Variants in COL5A1 observed in about 807,000 individuals in gnomAD.
COL5A1 encodes collagen type V alpha 1 chain, also known as collagen alpha-1(V) chain.
Under a neutral mutation model 263.7 loss-of-function variants are expected in COL5A1, and 16 were observed. The observed-to-expected ratio is 0.06, with a 90% confidence interval of 0.04 to 0.09. COL5A1 has a LOEUF of 0.09. Ranked by LOEUF, COL5A1 falls within the 10% of genes least tolerant of loss-of-function variation. The pLI is 1.00. For missense variants in COL5A1, 2,036 were observed against 2,540.5 expected, an observed-to-expected ratio of 0.80 and a Z score of 4.27; for synonymous variants, 1,012 against 1,004.5, an observed-to-expected ratio of 1.01 and a Z score of -0.14.
In COL5A1 at chr9:134,803,800, G is replaced by A. The variant is rs573246237; in HGVS notation, c.3114+805G>A. On this transcript the variant is annotated intron_variant, in intron 39 of 65. Coordinates refer to ENST00000371817, the MANE Select transcript of COL5A1 (RefSeq NM_000093.5). ...GGAGCTTGCAGTGAGCCGAGATCGC[G>A]CCACTGCACTCCAGCCTGGGCGACA... 2.2e-4 allele frequency among the ~76,000 whole-genome samples: 33 copies of A among 151,876 alleles called. 1 individual carries two copies. In the South Asian group the frequency reaches 5.6e-3, roughly 26 times the overall value.
At chr9:134,674,338 G>A (rs983157233) in intron 1 of COL5A1, among the ~76,000 whole-genome samples, 2 of 152,280 alleles carry the variant, frequency 1.3e-5, no homozygotes, top group South Asian at 2.1e-4. Context: ...GCCCGAACAG[G>A]GTGGCACGAA....
In COL5A1 at chr9:134,755,514, G is replaced by T. The variant is rs1207591311; in HGVS notation, c.1827+1188G>T. On this transcript the variant is annotated intron_variant, in intron 16 of 65. Coordinates refer to ENST00000371817, the MANE Select transcript of COL5A1 (RefSeq NM_000093.5). The surrounding 1 kb of genome is among the most constrained non-coding windows in gnomAD (Gnocchi z 4.1). ...GGTGAGAGAGGGGCTTGGAGCTGAG[G>T]GGTCGATTCCAAAGTGGTCTGAGCA... Among the ~76,000 whole-genome samples, 4 of 152,198 alleles carry T rather than the reference G, an allele frequency of 2.6e-5. No homozygotes were observed. Among genetic ancestry groups the T allele is most frequent in the Non-Finnish European group, 5.9e-5 (4 of 68,032 alleles).
chr9:134,777,363 A>G (rs1360376746), intron 27 of COL5A1, among the ~76,000 whole-genome samples: 3 of 152,292 alleles, frequency 2.0e-5, no homozygotes, highest in East Asian at 1.9e-4. Context: ...GGATGCCCCA[A>G]TCCAGCCCTT....
intron 63 of COL5A1, 47 bp from the exon 64 acceptor site, chr9:134,829,929 C>G (rs1192993438): frequency 8.2e-6 from 13 of 1,586,700 alleles, no homozygotes; most frequent in Non-Finnish European, 1.1e-5. Flanking sequence ...AGAAGTAACC[C>G]TTTTGTTCTG....
intron 1 of COL5A1, among the ~76,000 whole-genome samples, chr9:134,654,101 TG>T: frequency 1.0e-5 from 1 of 97,942 alleles, no homozygotes; most frequent in Non-Finnish European, 2.0e-5. Context: ...TGTGTAGGAC[TG>T]GGAGTGTGTA....
intron 28 of COL5A1, among the ~76,000 whole-genome samples, chr9:134,781,872 C>CA (rs1218698596): frequency 6.6e-6 from 1 of 152,216 alleles, no homozygotes; most frequent in African/African-American, 2.4e-5. Flanking sequence ...CGTGTGCCCC[C>CA]AGCCGGGCCT....
chr9:134,758,146 G>T lies in COL5A1; in HGVS notation c.1882-97G>T. On this transcript the variant is annotated intron_variant, in intron 17 of 65. Coordinates refer to ENST00000371817, the MANE Select transcript of COL5A1 (RefSeq NM_000093.5). This position sits in a 1 kb window ranked among gnomAD's most constrained non-coding sequence, Gnocchi z 4.1. ...GGTGCATAGATGCTGTGTGAAACGT[G>T]GTCCAAGGCGGGGCGGCCATCACTT... 2 of 1,239,452 alleles carry T rather than the reference G, an allele frequency of 1.6e-6. No homozygotes were observed. The highest frequency in any genetic ancestry group is 2.4e-6 in the Non-Finnish European group (2 of 841,910). 76.8% of individuals were successfully genotyped at this position (1,239,452 alleles called of 1,614,324 possible).
At chr9:134,840,125 C>G (rs763011384) in intron 65 of COL5A1, among the ~76,000 whole-genome samples, 1 of 152,230 alleles carries the variant, frequency 6.6e-6, no homozygotes. Context: ...ATGCAGATTC[C>G]GAGTCCCACC....
rs779658584 is a variant in COL5A1, at chr9:134,753,885, G to A, written c.1755G>A (p.Pro585=). The change falls in exon 15 of 66, where the codon CCG becomes CCA. Residue 585 remains proline, a synonymous_variant. Coordinates refer to ENST00000371817, the MANE Select transcript of COL5A1 (RefSeq NM_000093.5). ...GGAGCGGAGGTTTGAAGGGCGAGCC[G>A]GGAGACGTGGGGCCTCAGGTATGTG... ...PPGSGGLKGE[P]GDVGPQGPRG... 21 of 1,613,314 alleles carry A rather than the reference G, an allele frequency of 1.3e-5. No individual in the cohort carries two copies. Among genetic ancestry groups the A allele is most frequent in the East Asian group, 8.9e-5 (4 of 44,834 alleles).
rs774540394 is a variant in COL5A1, at chr9:134,817,794, C to CAGGCCCCGA, written c.4198_4206dup (p.Pro1400_Gly1402dup). The CAGGCCCCGA allele has an allele frequency of 6.2e-7, 1 of 1,612,286 alleles. No homozygotes were observed. On this transcript the variant is annotated inframe_insertion, in exon 54 of 66. Transcript: ENST00000371817. The stretch of plus-strand genomic sequence containing the variant: ...TTCTTTCAGGGTCCCCCAGGCCCCG[C>CAGGCCCCGA]AGGCCCCGAAGGCAGACAGGGAGAG...
At position 134,754,580 on chromosome 9, in the gene COL5A1, C is replaced by G. The variant is rs1327915073; in HGVS notation, c.1827+254C>G. 6.6e-6 allele frequency among the ~76,000 whole-genome samples: 1 copy of G among 152,226 alleles called. No homozygotes were observed. The highest frequency in any genetic ancestry group is 1.9e-4 in the East Asian group (1 of 5,188). ...CATTCATTTAGTTTAATAAACCTTT[C>G]TAATTCAAGAAACTTCCCAGGCCCT... On this transcript the variant is annotated intron_variant, in intron 16 of 65. Transcript: ENST00000371817. This position sits in a 1 kb window ranked among gnomAD's most constrained non-coding sequence, Gnocchi z 4.3.
In COL5A1 at chr9:134,815,629, G is replaced by A. The variant is rs863223452; in HGVS notation, c.4068G>A (p.Ala1356=). Reference sequence around the variant, plus strand: ...GCCCCCCCGGAGAGCCTGGCCCCGCGGTAGGTGCTCAAGAGGGCAAAGCCA... The same window carrying A: ...GCCCCCCCGGAGAGCCTGGCCCCGCAGTAGGTGCTCAAGAGGGCAAAGCCA... The part of the protein sequence containing the change: ...DPGPPGEPGP[A]GQDGPPGDKG... The change falls in exon 51 of 66, where the codon GCG becomes GCA. Residue 1356 remains alanine, a splice_region_variant and synonymous_variant. Coordinates refer to ENST00000371817, the MANE Select transcript of COL5A1 (RefSeq NM_000093.5). The A allele has an allele frequency of 6.2e-7, 1 of 1,613,552 alleles. No individual in the cohort carries two copies.
Position 134,774,921 on chromosome 9 carries a change from G to T in COL5A1, c.2385+9G>T. On this transcript the variant is annotated intron_variant, in intron 27 of 65. Coordinates refer to ENST00000371817, the MANE Select transcript of COL5A1 (RefSeq NM_000093.5). ...GTCCTCGAGGAGTCAAGGTGAGAGA[G>T]ACTCACGCCACTCCAGGTCGTCCTG... 4.3e-6 allele frequency: 7 copies of T among 1,612,906 alleles called. No homozygotes were observed. Among genetic ancestry groups the T allele is most frequent in the Non-Finnish European group, 5.9e-6 (7 of 1,179,466 alleles).
At chr9:134,709,452 C>T (rs1207814463) in intron 4 of COL5A1, among the ~76,000 whole-genome samples, 2 of 152,210 alleles carry the variant, frequency 1.3e-5, no homozygotes, top group Admixed American at 6.5e-5. Context: ...GGTGCATTCT[C>T]ATTTGCAGTT....
chr9:134,769,141 T>A (rs543096376), intron 25 of COL5A1, among the ~76,000 whole-genome samples: 69 of 152,380 alleles, frequency 4.5e-4, no homozygotes, highest in African/African-American at 1.6e-3. Flanking sequence ...CAAACGAGAT[T>A]AGCAGAATTA....
chr9:134,679,791 G>A (rs943285188), intron 1 of COL5A1, among the ~76,000 whole-genome samples: 1 of 151,968 alleles, frequency 6.6e-6, no homozygotes, highest in East Asian at 1.9e-4. Context: ...GTGCCCCGGT[G>A]CTCTCCGGTG....
intron 19 of COL5A1, among the ~76,000 whole-genome samples, chr9:134,762,268 C>T (rs1320745701): frequency 2.6e-5 from 4 of 152,238 alleles, no homozygotes; most frequent in Non-Finnish European, 5.9e-5. Flanking sequence ...GCAGGTGCCC[C>T]AAACCCCACT....
intron 2 of COL5A1, among the ~76,000 whole-genome samples, chr9:134,698,164 G>T (rs775947927): frequency 3.3e-5 from 5 of 152,234 alleles, no homozygotes; most frequent in African/African-American, 1.2e-4. Context: ...CAGTTCCTCC[G>T]TGAAACCTGC....
At chr9:134,694,436 GA>G (rs1833390840) in intron 2 of COL5A1, among the ~76,000 whole-genome samples, 2 of 152,218 alleles carry the variant, frequency 1.3e-5, no homozygotes, top group Non-Finnish European at 2.9e-5. Flanking sequence ...AGAACAGATG[GA>G]GCCCGGCCTC....
Sources: gnomAD v4.1 joint callset for allele counts (sites outside exome capture counted in the v4.1 genomes callset) on GRCh38, gnomAD v4.1.1 for gene constraint, Gnocchi (gnomAD v3.1) non-coding constraint, MANE v1.5 for transcripts, NCBI Gene and HGNC (gene_info 2026-07-23, HGNC 2026-07-21) for gene names.